MAGI2: variants seen among roughly 807,000 people sequenced by gnomAD.
The protein encoded by MAGI2 is membrane-associated guanylate kinase, WW and PDZ domain-containing protein 2.
In MAGI2, 35 loss-of-function variants were observed where a neutral mutation model predicts 133.3. The observed-to-expected ratio is 0.26, with a 90% CI of 0.20 to 0.35. The LOEUF (loss-of-function observed/expected upper bound fraction) is 0.35. MAGI2 is among the 10% of genes least tolerant of loss of function. The pLI, the probability that MAGI2 is intolerant of heterozygous loss-of-function variation, is 1.00. For synonymous variants in MAGI2, 729 were observed against 710.6 expected (o/e 1.03, Z -0.41); for missense variants, 1,636 against 1,863.4 (o/e 0.88, Z 2.25).
intron 2 of MAGI2, among the ~76,000 whole-genome samples, chr7:78,765,985 T>C (rs540429256): frequency 6.6e-6 from 1 of 152,238 alleles, no homozygotes; most frequent in African/African-American, 2.4e-5. Flanking sequence ...CTTTCTAAGA[T>C]CTGAAAGAAA....
In MAGI2 at chr7:78,018,072, T is replaced by A. The variant is rs1395247174; in HGVS notation, c.*1243A>T. 6.6e-6 allele frequency: 1 copy of A among 152,174 alleles called. No homozygotes were observed. The highest frequency in any genetic ancestry group is 1.9e-4 in the East Asian group (1 of 5,194). The allele number at this position is 152,174 out of a possible 1,614,324, so 9.4% of individuals were successfully genotyped here. A position where few individuals can be genotyped will look rare whatever the true frequency, so the allele number is the denominator to read the frequency against. On this transcript the variant is annotated 3_prime_UTR_variant, in exon 22 of 22. Transcript: ENST00000354212. ...GGGAAGAAAGGCAAGACTTAGAATT[T>A]TACTAGGAGGTCAATCATAGATCCA...
chr7:78,449,665 T>C (rs1788516343), intron 6 of MAGI2, among the ~76,000 whole-genome samples: 1 of 152,088 alleles, frequency 6.6e-6, no homozygotes. Context: ...TGAACGCGTG[T>C]GGCTTCAAAA....
chr7:78,284,178 G>C (rs527765239), intron 9 of MAGI2, among the ~76,000 whole-genome samples: 3 of 152,218 alleles, frequency 2.0e-5, no homozygotes, highest in South Asian at 2.1e-4. Context: ...AGGAGACTTA[G>C]ACATGCCAGT....
At chr7:78,402,833 T>C (rs1410942646) in intron 6 of MAGI2, among the ~76,000 whole-genome samples, 1 of 152,166 alleles carries the variant, frequency 6.6e-6, no homozygotes, top group East Asian at 1.9e-4. Flanking sequence ...AGTATATTGG[T>C]ATACACAACA....
Position 79,077,584 on chromosome 7 carries a change from A to T in MAGI2, c.302-70378T>A, listed in dbSNP as rs537852393. On this transcript the variant is annotated intron_variant, in intron 1 of 21. Transcript: ENST00000354212. Reference sequence around the variant, plus strand: ...AGCGAGACTGCCTCTCAAAAAAAAAAAAAAAAAAAAATAAATAAATAAATA... The same window carrying T: ...AGCGAGACTGCCTCTCAAAAAAAAATAAAAAAAAAAATAAATAAATAAATA... Among the ~76,000 whole-genome samples the T allele has an allele frequency of 7.4e-5, 10 of 135,008 alleles. No individual in the cohort carries two copies. The South Asian group carries it at 1.2e-3, about 16-fold the overall frequency. 88.6% of individuals were successfully genotyped at this position (135,008 alleles called of 152,430 possible).
intron 21 of MAGI2, among the ~76,000 whole-genome samples, chr7:78,061,834 G>A (rs983516404): frequency 3.3e-5 from 5 of 152,166 alleles, no homozygotes; most frequent in African/African-American, 4.8e-5. Flanking sequence ...GACCAACAGT[G>A]TTAGTTGTTA....
chr7:79,231,098 G>T (rs1374136221), intron 1 of MAGI2, among the ~76,000 whole-genome samples: 1 of 133,180 alleles, frequency 7.5e-6, no homozygotes, highest in Non-Finnish European at 1.6e-5. Flanking sequence ...AGATCAGATA[G>T]TTGTAGATAT....
chr7:78,263,781 G>C (rs957339956), intron 9 of MAGI2, among the ~76,000 whole-genome samples: 1 of 152,134 alleles, frequency 6.6e-6, no homozygotes, highest in Non-Finnish European at 1.5e-5. Flanking sequence ...TGCTGACAGG[G>C]ACAGAGTTCA....
chr7:78,220,670 T>C (rs1252898126), intron 10 of MAGI2, among the ~76,000 whole-genome samples: 1 of 151,912 alleles, frequency 6.6e-6, no homozygotes, highest in Non-Finnish European at 1.5e-5. Context: ...AAGACACACA[T>C]TAAGTAACTT....
At chr7:78,524,947 A>ATT (rs1424190047) in intron 3 of MAGI2, among the ~76,000 whole-genome samples, 1 of 91,704 alleles carries the variant, frequency 1.1e-5, no homozygotes, top group Non-Finnish European at 2.0e-5. Flanking sequence ...ATCACACTTC[A>ATT]GTGTTTTTTT....
chr7:78,304,367 G>A (rs1348421503), intron 9 of MAGI2, among the ~76,000 whole-genome samples: 1 of 152,002 alleles, frequency 6.6e-6, no homozygotes, highest in Non-Finnish European at 1.5e-5. Context: ...TGTTCTCTCT[G>A]CCTGGAAAGC....
intron 6 of MAGI2, among the ~76,000 whole-genome samples, chr7:78,376,318 C>A (rs143886456): frequency 0.011 from 1,680 of 152,156 alleles, 12 homozygotes; most frequent in Non-Finnish European, 0.018. Flanking sequence ...TCAGATATTG[C>A]CTACATGGGA....
At chr7:78,411,394 G>C (rs1023595922) in intron 6 of MAGI2, among the ~76,000 whole-genome samples, 1 of 151,938 alleles carries the variant, frequency 6.6e-6, no homozygotes, top group Non-Finnish European at 1.5e-5. Flanking sequence ...AAAAAACATG[G>C]CATCATCAAA....
intron 1 of MAGI2, among the ~76,000 whole-genome samples, chr7:79,437,210 G>T (rs1848203509): frequency 6.6e-6 from 1 of 152,062 alleles, no homozygotes; most frequent in African/African-American, 2.4e-5. Flanking sequence ...GAGTGGGAGA[G>T]GGGACAAGGG....
At position 78,573,055 on chromosome 7, in the gene MAGI2, A is replaced by ATG. The variant is rs1563187510; in HGVS notation, c.539-51411_539-51410insCA. ...TGTATGTATATATATATATATATAT[A>ATG]TATATATATATATATATATATACAC... On this transcript the variant is annotated intron_variant, in intron 3 of 21. Transcript: ENST00000354212. Among the ~76,000 whole-genome samples the ATG allele has an allele frequency of 9.9e-4, 101 of 102,210 alleles. 1 individual carries two copies. Among genetic ancestry groups the ATG allele is most frequent in the African/African-American group, 3.9e-3 (100 of 25,584 alleles). 67.1% of individuals were successfully genotyped at this position (102,210 alleles called of 152,430 possible). A position where few individuals can be genotyped will look rare whatever the true frequency, so the allele number is the denominator to read the frequency against.
At chr7:78,679,179 C>T (rs1443878688) in intron 2 of MAGI2, among the ~76,000 whole-genome samples, 1 of 152,116 alleles carries the variant, frequency 6.6e-6, no homozygotes, top group Non-Finnish European at 1.5e-5. Flanking sequence ...GCACCCTTTC[C>T]TTTCACTCTT....
intron 2 of MAGI2, among the ~76,000 whole-genome samples, chr7:78,781,395 AAAAAG>A: frequency 6.6e-6 from 1 of 151,666 alleles, no homozygotes; most frequent in South Asian, 2.1e-4. Flanking sequence ...AAAAAAAAAA[AAAAAG>A]AATATAGCAG....
At chr7:78,948,816 A>G (rs1025253629) in intron 2 of MAGI2, among the ~76,000 whole-genome samples, 2 of 152,102 alleles carry the variant, frequency 1.3e-5, no homozygotes, top group African/African-American at 2.4e-5. Context: ...CAATACGAAC[A>G]TATCACATTG....
intron 9 of MAGI2, among the ~76,000 whole-genome samples, chr7:78,268,897 T>A (rs1794282304): frequency 6.6e-6 from 1 of 152,154 alleles, no homozygotes; most frequent in African/African-American, 2.4e-5. Flanking sequence ...CAACCCATCA[T>A]CTACATTAGG....
Sources: gnomAD v4.1 joint callset for allele counts (sites outside exome capture counted in the v4.1 genomes callset) on GRCh38, gnomAD v4.1.1 for gene constraint, MANE v1.5 for transcripts, NCBI Gene and HGNC (gene_info 2026-07-23, HGNC 2026-07-21) for gene names.